The following PTPRC variants were observed in gnomAD, a reference collection of about 807,000 sequenced individuals.
PTPRC encodes the protein protein tyrosine phosphatase receptor type C.
A neutral mutation model predicts 155.9 loss-of-function variants in PTPRC; 44 were observed. That is an observed-to-expected ratio of 0.28 (90% CI 0.22 to 0.36). The LOEUF is 0.36. Among genes scored for constraint, PTPRC ranks in the 10% least tolerant of loss-of-function variants. The pLI, the probability that PTPRC is intolerant of heterozygous loss-of-function variation, is 1.00. For synonymous variants in PTPRC, 525 were observed against 533.1 expected (o/e 0.98, Z 0.21); for missense variants, 1,401 against 1,564.6 (o/e 0.90, Z 1.76).
intron 23 of PTPRC, 71 bp from the exon 24 acceptor site, chr1:198,741,798 C>A: frequency 6.8e-7 from 1 of 1,469,104 alleles, no homozygotes; most frequent in South Asian, 1.2e-5. Context: ...CTGGTACTCC[C>A]TTCCACTTAT....
chr1:198,754,072 T>C (rs1655509308), intron 31 of PTPRC, among the ~76,000 whole-genome samples, 197 bp from the exon 32 acceptor site: 1 of 152,048 alleles, frequency 6.6e-6, no homozygotes, highest in Non-Finnish European at 1.5e-5. Flanking sequence ...AATTCCAGGA[T>C]TATCACACTC....
intron 3 of PTPRC, chr1:198,692,687 T>C: frequency 1.1e-6 from 1 of 929,796 alleles, no homozygotes; most frequent in Non-Finnish European, 1.3e-6. Flanking sequence ...AAAATGCATT[T>C]AAATTAGATA....
chr1:198,716,272 A>G (rs182173343), intron 12 of PTPRC, among the ~76,000 whole-genome samples: 12 of 152,340 alleles, frequency 7.9e-5, no homozygotes, highest in African/African-American at 1.4e-4. Flanking sequence ...AGTAGCTAAT[A>G]CCGATGTTCA....
Position 198,696,756 on chromosome 1 carries a change from C to A in PTPRC, c.145C>A (p.Pro49Thr), listed in dbSNP as rs746480752. The change falls in exon 4 of 33, where the codon CCC becomes ACC. Residue 49 changes from proline to threonine, a missense_variant. Pro to Thr is a conservative substitution (Grantham distance 38, BLOSUM62 -1). Coordinates refer to ENST00000442510, the MANE Select transcript of PTPRC (RefSeq NM_002838.5). Reference protein sequence around the residue: ...KMPSVPLSSDPLPTHTTAFSP... With the variant: ...KMPSVPLSSDTLPTHTTAFSP... Reference sequence around the variant, plus strand: ...GCCCAGTGTTCCACTTTCAAGTGACCCCTTACCTACTCACACCACTGCATT... The same window carrying A: ...GCCCAGTGTTCCACTTTCAAGTGACACCTTACCTACTCACACCACTGCATT... 4 of 1,613,986 alleles carry A rather than the reference C, an allele frequency of 2.5e-6. No homozygotes were observed. In the East Asian group the frequency reaches 8.9e-5, roughly 36 times the overall value.
At chr1:198,751,102 T>A (rs1216984689) in intron 29 of PTPRC, among the ~76,000 whole-genome samples, 1 of 152,020 alleles carries the variant, frequency 6.6e-6, no homozygotes, top group Non-Finnish European at 1.5e-5. Context: ...GAGTCTAAAC[T>A]TATTGATATT....
chr1:198,679,827 A>T, intron 2 of PTPRC: 1 of 553,400 alleles, frequency 1.8e-6, no homozygotes, highest in East Asian at 3.1e-5. Context: ...TCCTGCCGGG[A>T]GCGTCCGGGT....
rs748508947 is a variant in PTPRC, at chr1:198,756,188, A to ACAT, written c.*8_*10dup. 1.9e-6 allele frequency: 3 copies of ACAT among 1,612,740 alleles called. No homozygotes were observed. In the African/African-American group the frequency reaches 4.0e-5, roughly 22 times the overall value. ...TTTAAATCAAGGTTCATAGGAAAAG[A>ACAT]CATAAATGAGGAAACTCCAAACCTC... On this transcript the variant is annotated 3_prime_UTR_variant, in exon 33 of 33. Coordinates refer to ENST00000442510, the MANE Select transcript of PTPRC (RefSeq NM_002838.5).
intron 2 of PTPRC, among the ~76,000 whole-genome samples, chr1:198,659,807 A>ACT (rs1663839641): frequency 6.6e-6 from 1 of 151,628 alleles, no homozygotes; most frequent in South Asian, 2.1e-4. Flanking sequence ...CTCCCAAAGT[A>ACT]TTGGGATTAC....
chr1:198,744,029 T>C, intron 25 of PTPRC, 25 bp from the exon 26 acceptor site: 1 of 1,572,900 alleles, frequency 6.4e-7, no homozygotes, highest in Non-Finnish European at 8.7e-7. Context: ...CAGTTAACTA[T>C]CTGTATTTGT....
chr1:198,682,756 G>A (rs1378815440), intron 2 of PTPRC, among the ~76,000 whole-genome samples: 1 of 152,018 alleles, frequency 6.6e-6, no homozygotes, highest in East Asian at 1.9e-4. Flanking sequence ...TAAAAATACT[G>A]AAGGACAGAC....
intron 2 of PTPRC, chr1:198,679,925 C>T: frequency 1.6e-6 from 1 of 611,506 alleles, no homozygotes; most frequent in South Asian, 1.9e-5. Flanking sequence ...GGCGTCAGCA[C>T]TTTGCCCAGC....
intron 32 of PTPRC, 100 bp downstream of exon 32, chr1:198,754,504 TC>T (rs1655536393): frequency 7.1e-7 from 1 of 1,400,740 alleles, no homozygotes; most frequent in African/African-American, 1.5e-5. Flanking sequence ...TCTCGTTTGT[TC>T]TTTTTTCCCC....
rs1045398130 is a variant in PTPRC, at chr1:198,707,057, T to A, written c.904+105T>A. 7.6e-6 allele frequency: 7 copies of A among 918,744 alleles called. No homozygotes were observed. In the Admixed American group the frequency reaches 1.1e-4, roughly 15 times the overall value. The allele number at this position is 918,744 out of a possible 1,614,324, so 56.9% of individuals were successfully genotyped here. Reference sequence around the variant, plus strand: ...AGCTAGTCTGGTGAGAGAACAGGGCTGAGGGAAAGGAAATTCCTTGGAAAC... The same window carrying A: ...AGCTAGTCTGGTGAGAGAACAGGGCAGAGGGAAAGGAAATTCCTTGGAAAC... On this transcript the variant is annotated intron_variant, in intron 9 of 32. Coordinates refer to ENST00000442510, the MANE Select transcript of PTPRC (RefSeq NM_002838.5).
chr1:198,668,634 G>T (rs112017590), intron 2 of PTPRC, among the ~76,000 whole-genome samples: 2 of 152,136 alleles, frequency 1.3e-5, no homozygotes, highest in Admixed American at 1.3e-4. Flanking sequence ...AATATAAAAT[G>T]GTGCTGATAA....
At chr1:198,679,626 C>T (rs1665183911) in intron 2 of PTPRC, 1 of 241,720 alleles carries the variant, frequency 4.1e-6, no homozygotes, top group Non-Finnish European at 8.5e-6. Flanking sequence ...GCCTCCAGAT[C>T]CATTGCTGAG....
chr1:198,638,851 A>C (rs1571764984), upstream of PTPRC: 1 of 184,876 alleles, frequency 5.4e-6, no homozygotes, highest in East Asian at 1.5e-4. Flanking sequence ...GATACTGTAA[A>C]GGAGCATTAT....
intron 2 of PTPRC, among the ~76,000 whole-genome samples, chr1:198,653,586 T>C (rs1482235855): frequency 6.6e-6 from 1 of 151,812 alleles, no homozygotes; most frequent in African/African-American, 2.4e-5. Flanking sequence ...GAGCAACAGA[T>C]CAAGGAAAAG....
intron 8 of PTPRC, among the ~76,000 whole-genome samples, chr1:198,705,448 T>C (rs1016989986): frequency 1.3e-5 from 2 of 150,154 alleles, no homozygotes; most frequent in Non-Finnish European, 3.0e-5. Flanking sequence ...TTTTTTTTTT[T>C]CTCACTCTGT....
intron 2 of PTPRC, 41 bp downstream of exon 2, chr1:198,639,382 T>C (rs1200967741): frequency 6.9e-7 from 1 of 1,455,588 alleles, no homozygotes; most frequent in Non-Finnish European, 9.5e-7. Flanking sequence ...TTATTTTTTC[T>C]CTTTTGGAGG....
Sources: gnomAD v4.1 joint callset for allele counts (sites outside exome capture counted in the v4.1 genomes callset) on GRCh38, gnomAD v4.1.1 for gene constraint, MANE v1.5 for transcripts, NCBI Gene and HGNC (gene_info 2026-07-23, HGNC 2026-07-21) for gene names.